The following UGT2B17 variants were observed in gnomAD, a reference collection of about 807,000 sequenced individuals.
The protein encoded by UGT2B17 is UDP glucuronosyltransferase family 2 member B17, also known as UDP-glucuronosyltransferase 2B17.
A neutral mutation model predicts 48.2 loss-of-function variants in UGT2B17; 21 were observed. The ratio of observed to expected loss-of-function variants is 0.44; its 90% CI spans 0.31 to 0.63. The LOEUF (loss-of-function observed/expected upper bound fraction) is 0.63. UGT2B17 is among the 20% of genes least tolerant of loss of function. The probability of loss-of-function intolerance (pLI) is 0.08; values close to 1 mark genes in which losing one functional copy is unlikely to be tolerated. For synonymous variants in UGT2B17, 146 were observed against 238.4 expected (o/e 0.61, Z 3.57); for missense variants, 402 against 696.1 (o/e 0.58, Z 4.75).
rs1019418108 is a variant in UGT2B17 at position 68,562,732 on chromosome 4, A to G, written c.874-2064T>C. 1.1e-3 allele frequency among the ~76,000 whole-genome samples: 134 copies of G among 126,586 alleles called. 28 individuals carry two copies. Among genetic ancestry groups the G allele is most frequent in the Non-Finnish European group, 2.0e-3 (117 of 59,702 alleles). 83.0% of individuals were successfully genotyped at this position (126,586 alleles called of 152,430 possible). A position where few individuals can be genotyped will look rare whatever the true frequency, so the allele number is the denominator to read the frequency against. On this transcript the variant is annotated intron_variant, in intron 3 of 6. Transcript: ENST00000317746. ...TCATTTTTCCCATATCTCTATCTCA[A>G]TTTAAAATGTGTACCATTTCATTAT...
At chr4:68,541,393 G>T (rs1321633315) in intron 6 of UGT2B17, among the ~76,000 whole-genome samples, 3 of 126,698 alleles carry the variant, frequency 2.4e-5, no homozygotes, top group Non-Finnish European at 5.0e-5. Context: ...TTTCTCTAAT[G>T]ATCAGTGATA....
chr4:68,566,026 G>T, intron 2 of UGT2B17, among the ~76,000 whole-genome samples: 2 of 112,696 alleles, frequency 1.8e-5, no homozygotes, highest in Admixed American at 9.5e-5. Flanking sequence ...ATTTAATAAA[G>T]TTTAATATTT....
intron 6 of UGT2B17, among the ~76,000 whole-genome samples, chr4:68,544,787 TTACAATCC>T (rs1268242594): frequency 8.0e-6 from 1 of 124,806 alleles, no homozygotes; most frequent in Non-Finnish European, 1.7e-5. Context: ...AAGGCAGGGA[TTACAATCC>T]TAGTCTCTGA....
chr4:68,551,770 C>A, intron 5 of UGT2B17, 54 bp downstream of exon 5: 1 of 1,064,596 alleles, frequency 9.4e-7, no homozygotes, highest in South Asian at 2.5e-5. Flanking sequence ...GAAATATTAT[C>A]ACTTCTAATT....
Position 68,556,055 on chromosome 4 carries a change from G to A in UGT2B17, c.1006-4144C>T, listed in dbSNP as rs1239889270. Among the ~76,000 whole-genome samples, 2 of 119,020 alleles carry A rather than the reference G, an allele frequency of 1.7e-5. 1 individual carries two copies. The highest frequency in any genetic ancestry group is 3.5e-5 in the Non-Finnish European group (2 of 57,334). The allele number at this position is 119,020 out of a possible 152,430, so 78.1% of individuals were successfully genotyped here. ...AAAGAAGGATGTTCAGGACAAACCAGAAAGTCCAAACATATCATGAATGAT... is the reference window on the plus strand; with the variant it reads ...AAAGAAGGATGTTCAGGACAAACCAAAAAGTCCAAACATATCATGAATGAT... On this transcript the variant is annotated intron_variant, in intron 4 of 6. Coordinates refer to ENST00000317746, the MANE Select transcript of UGT2B17 (RefSeq NM_001077.4).
At chr4:68,554,384 A>G (rs1730966283) in intron 4 of UGT2B17, among the ~76,000 whole-genome samples, 1 of 126,236 alleles carries the variant, frequency 7.9e-6, no homozygotes, top group Admixed American at 8.1e-5. Context: ...CATATACATT[A>G]AGAGCCCTAA....
At position 68,543,635 on chromosome 4, in the gene UGT2B17, G is replaced by A. The variant is rs1321250759; in HGVS notation, c.1314-5731C>T. On this transcript the variant is annotated intron_variant, in intron 6 of 6. Transcript: ENST00000317746. Reference sequence around the variant, plus strand: ...AGGCTTCAGACGATCAAACTACTCCGGACTAAAGGAGGAAGTTCGAACCGA... The same window carrying A: ...AGGCTTCAGACGATCAAACTACTCCAGACTAAAGGAGGAAGTTCGAACCGA... 4.0e-5 allele frequency among the ~76,000 whole-genome samples: 5 copies of A among 124,252 alleles called. 2 individuals carry two copies. The highest frequency in any genetic ancestry group is 1.6e-3 in the East Asian group (2 of 1,290). The allele number at this position is 124,252 out of a possible 152,430, so 81.5% of individuals were successfully genotyped here.
In UGT2B17 at chr4:68,541,365, T is replaced by C. The variant is rs1174421579; in HGVS notation, c.1314-3461A>G. 4.7e-5 allele frequency among the ~76,000 whole-genome samples: 6 copies of C among 126,888 alleles called. 1 individual carries two copies. The highest frequency in any genetic ancestry group is 1.6e-4 in the African/African-American group (6 of 37,146). The allele number at this position is 126,888 out of a possible 152,430, so 83.2% of individuals were successfully genotyped here. On this transcript the variant is annotated intron_variant, in intron 6 of 6. Coordinates refer to ENST00000317746, the MANE Select transcript of UGT2B17 (RefSeq NM_001077.4). ...CTGACTGGCATGAGATTGTATCTCA[T>C]TGTGGTTTTGATTTGCATTTCTCTA...
intron 1 of UGT2B17, among the ~76,000 whole-genome samples, chr4:68,569,069 C>T (rs1278340104): frequency 1.5e-5 from 2 of 129,258 alleles, no homozygotes; most frequent in Non-Finnish European, 3.3e-5. Flanking sequence ...TTTTCTGGAC[C>T]CTTTAAAAAA....
rs1441225042 is a variant in UGT2B17 at position 68,570,737 on chromosome 4, G to A, written c.-64-2189C>T. 5.6e-5 allele frequency among the ~76,000 whole-genome samples: 7 copies of A among 126,054 alleles called. 3 individuals are homozygous for A. Among genetic ancestry groups the A allele is most frequent in the Non-Finnish European group, 1.2e-4 (7 of 59,632 alleles). The allele number at this position is 126,054 out of a possible 152,430, so 82.7% of individuals were successfully genotyped here. On this transcript the variant is annotated intron_variant, in intron 1 of 6. Coordinates refer to ENST00000317746, the MANE Select transcript of UGT2B17 (RefSeq NM_001077.4). ...TGAAGAAGTACAGGTAGCAAACAAG[G>A]GAGCAGTAAGCAGGTTTTTATAATT...
At chr4:68,569,875 C>T (rs759407223) in intron 1 of UGT2B17, among the ~76,000 whole-genome samples, 1 of 126,594 alleles carries the variant, frequency 7.9e-6, no homozygotes, top group Non-Finnish European at 1.7e-5. Flanking sequence ...TAAAACAGCA[C>T]GCTGCTCCGC....
At chr4:68,546,639 C>T (rs1730814654) in intron 6 of UGT2B17, among the ~76,000 whole-genome samples, 1 of 125,204 alleles carries the variant, frequency 8.0e-6, no homozygotes, top group Non-Finnish European at 1.7e-5. Context: ...TCAAATTGTC[C>T]CTGTTTGCAG....
At chr4:68,569,005 A>G (rs1476462518) in intron 1 of UGT2B17, among the ~76,000 whole-genome samples, 2 of 137,022 alleles carry the variant, frequency 1.5e-5, no homozygotes, top group East Asian at 7.5e-4. Context: ...GAAATTTTGC[A>G]TCCATCCTAC....
intron 3 of UGT2B17, among the ~76,000 whole-genome samples, chr4:68,560,989 T>C (rs1316594273): frequency 8.0e-6 from 1 of 125,358 alleles, no homozygotes; most frequent in Admixed American, 8.2e-5. Flanking sequence ...TATAATATTA[T>C]AATTACTAAC....
In UGT2B17 at chr4:68,554,744, C is replaced by G. The variant is rs1483900150; in HGVS notation, c.1006-2833G>C. On this transcript the variant is annotated intron_variant, in intron 4 of 6. Transcript: ENST00000317746. ...TGTAAATTTTGCTATTTGATTTTCA[C>G]CTGAATGGTTTCTTTTAATATGCAA... Among the ~76,000 whole-genome samples the G allele has an allele frequency of 1.6e-5, 2 of 125,586 alleles. 1 individual carries two copies. The highest frequency in any genetic ancestry group is 3.4e-5 in the Non-Finnish European group (2 of 59,348). The allele number at this position is 125,586 out of a possible 152,430, so 82.4% of individuals were successfully genotyped here.
rs575270137 is a variant in UGT2B17 at position 68,541,146 on chromosome 4, C to T, written c.1314-3242G>A. On this transcript the variant is annotated intron_variant, in intron 6 of 6. Coordinates refer to ENST00000317746, the MANE Select transcript of UGT2B17 (RefSeq NM_001077.4). ...TCTTTACAGTAGAATGATTTATATG[C>T]CTTTGGGTATATATCAAGTAATGAG... Among the ~76,000 whole-genome samples, 11 of 125,546 alleles carry T rather than the reference C, an allele frequency of 8.8e-5. 3 individuals carry two copies. The highest frequency in any genetic ancestry group is 1.8e-4 in the Non-Finnish European group (11 of 59,470). 82.4% of individuals were successfully genotyped at this position (125,546 alleles called of 152,430 possible).
rs1343281581 is a variant in UGT2B17, at chr4:68,558,493, C to A, written c.1005+2044G>T. On this transcript the variant is annotated intron_variant, in intron 4 of 6. Coordinates refer to ENST00000317746, the MANE Select transcript of UGT2B17 (RefSeq NM_001077.4). ...CCAATTTACATACATAATCCACTTT[C>A]ATACCTGCCTACTGATTTATGGACT... 2.4e-5 allele frequency among the ~76,000 whole-genome samples: 3 copies of A among 126,448 alleles called. 1 individual carries two copies. Among genetic ancestry groups the A allele is most frequent in the Non-Finnish European group, 5.0e-5 (3 of 59,442 alleles). The allele number at this position is 126,448 out of a possible 152,430, so 83.0% of individuals were successfully genotyped here.
intron 6 of UGT2B17, among the ~76,000 whole-genome samples, chr4:68,539,139 T>C (rs1730609277): frequency 7.9e-6 from 1 of 126,308 alleles, no homozygotes; most frequent in Non-Finnish European, 1.7e-5. Context: ...ATACGCTATG[T>C]GACTATCTCA....
rs1375948155 is a variant in UGT2B17 at position 68,571,408 on chromosome 4, C to A, written c.-64-2860G>T. ...TCCAGTATAATCCGGTGGGGGCCGTCCAGTCCCAGTGGAATTCTGGGTGGG... is the reference window on the plus strand; with the variant it reads ...TCCAGTATAATCCGGTGGGGGCCGTACAGTCCCAGTGGAATTCTGGGTGGG... On this transcript the variant is annotated intron_variant, in intron 1 of 6. Transcript: ENST00000317746. 2.4e-5 allele frequency among the ~76,000 whole-genome samples: 3 copies of A among 124,802 alleles called. 1 individual carries two copies. The allele number at this position is 124,802 out of a possible 152,430, so 81.9% of individuals were successfully genotyped here.
Sources: gnomAD v4.1 joint callset for allele counts (sites outside exome capture counted in the v4.1 genomes callset) on GRCh38, gnomAD v4.1.1 for gene constraint, MANE v1.5 for transcripts, NCBI Gene and HGNC (gene_info 2026-07-23, HGNC 2026-07-21) for gene names.